The following RALYL variants were observed in gnomAD, a reference collection of about 807,000 sequenced individuals.
RALYL encodes the protein RALY RNA binding protein like.
RALYL carries 29 observed loss-of-function variants against 35.1 expected under a neutral mutation model. The observed-to-expected ratio is 0.83, with a 90% CI of 0.61 to 1.13. The LOEUF (loss-of-function observed/expected upper bound fraction) is 1.13, where lower values mean the gene tolerates loss of function less well. Ranked by LOEUF, RALYL falls within the 50% of genes most tolerant of loss-of-function variation. The pLI, the probability that RALYL is intolerant of heterozygous loss-of-function variation, is 0.00. For synonymous variants in RALYL, 120 were observed against 127.6 expected (o/e 0.94, Z 0.40); for missense variants, 359 against 360.4 (o/e 1.00, Z 0.03).
At chr8:84,573,339 G>A (rs568047579) in intron 2 of RALYL, among the ~76,000 whole-genome samples, 70 of 151,690 alleles carry the variant, frequency 4.6e-4, no homozygotes, top group African/African-American at 1.5e-3. Flanking sequence ...TAGAACTTTA[G>A]TATTATAGTT....
rs115987029 is a variant in RALYL, at chr8:84,408,760, G to A, written c.-23-120539G>A. Among the ~76,000 whole-genome samples, 628 of 152,086 alleles carry A rather than the reference G, an allele frequency of 4.1e-3. 6 individuals are homozygous for A. The highest frequency in any genetic ancestry group is 0.014 in the African/African-American group (592 of 41,496). On this transcript the variant is annotated intron_variant, in intron 1 of 8. Transcript: ENST00000521268. ...AAGAATAAGAATGCCATGGAGGCAG[G>A]GTTATCAGATAAAATGTAGAACAAC... is the stretch of plus-strand genomic sequence containing the variant.
rs2051947748 is a variant in RALYL at position 84,467,799 on chromosome 8, A to C, written c.-23-61500A>C. 4.2e-5 allele frequency among the ~76,000 whole-genome samples: 6 copies of C among 143,460 alleles called. No individual in the cohort carries two copies. In the South Asian group the frequency reaches 1.4e-3, roughly 34 times the overall value. 94.1% of individuals were successfully genotyped at this position (143,460 alleles called of 152,430 possible). On this transcript the variant is annotated intron_variant, in intron 1 of 8. Coordinates refer to ENST00000521268, the MANE Select transcript of RALYL (RefSeq NM_173848.7). Reference sequence around the variant, plus strand: ...GTCTAAGTCTCTTTGTAGGTCACTCAGGACTTGCTTTATGAATCTGGGTGC... The same window carrying C: ...GTCTAAGTCTCTTTGTAGGTCACTCCGGACTTGCTTTATGAATCTGGGTGC...
chr8:84,352,515 A>G (rs1851096643), intron 1 of RALYL, among the ~76,000 whole-genome samples: 1 of 150,354 alleles, frequency 6.7e-6, no homozygotes, highest in Non-Finnish European at 1.5e-5. Context: ...TTTACAAATG[A>G]GGAAACTGAA....
intron 1 of RALYL, among the ~76,000 whole-genome samples, chr8:84,283,053 A>G (rs1836914962): frequency 6.6e-6 from 1 of 152,074 alleles, no homozygotes; most frequent in African/African-American, 2.4e-5. Context: ...CATTCCAGCT[A>G]GCTCCTTTTT....
At chr8:84,245,608 G>A (rs751283172) in intron 1 of RALYL, among the ~76,000 whole-genome samples, 8 of 152,146 alleles carry the variant, frequency 5.3e-5, no homozygotes, top group Non-Finnish European at 1.2e-4. Flanking sequence ...AGCTGTTTAA[G>A]CGTATGCATA....
At chr8:84,509,326 A>C (rs2057418624) in intron 1 of RALYL, among the ~76,000 whole-genome samples, 1 of 152,162 alleles carries the variant, frequency 6.6e-6, no homozygotes, top group African/African-American at 2.4e-5. Flanking sequence ...ATATCCCTTG[A>C]TTAAATGCAT....
At chr8:84,547,332 C>A (rs2060428431) in intron 2 of RALYL, among the ~76,000 whole-genome samples, 1 of 151,762 alleles carries the variant, frequency 6.6e-6, no homozygotes, top group South Asian at 2.1e-4. Context: ...TTTAGTAATT[C>A]TTTTATCCAA....
chr8:84,337,374 A>G (rs925572910), intron 1 of RALYL, among the ~76,000 whole-genome samples: 2 of 151,376 alleles, frequency 1.3e-5, no homozygotes, highest in Admixed American at 1.3e-4. Context: ...TTTAATAGAG[A>G]TACTGAATGG....
intron 2 of RALYL, among the ~76,000 whole-genome samples, chr8:84,634,880 T>C (rs949784871): frequency 9.9e-5 from 15 of 151,764 alleles, no homozygotes; most frequent in African/African-American, 3.1e-4. Context: ...ACTGCTATGT[T>C]CCTTTAGGTT....
At chr8:84,253,190 T>TG (rs1290723594) in intron 1 of RALYL, among the ~76,000 whole-genome samples, 1 of 126,114 alleles carries the variant, frequency 7.9e-6, no homozygotes, top group Non-Finnish European at 1.7e-5. Context: ...TTTTTTTTTT[T>TG]TTTTTTTTTT....
intron 1 of RALYL, among the ~76,000 whole-genome samples, chr8:84,277,707 G>A (rs975890419): frequency 9.9e-5 from 15 of 152,244 alleles, no homozygotes; most frequent in African/African-American, 2.9e-4. Flanking sequence ...CACAACACAG[G>A]GATTACAGGC....
intron 2 of RALYL, among the ~76,000 whole-genome samples, chr8:84,543,785 C>G (rs2060176513): frequency 6.6e-6 from 1 of 152,090 alleles, no homozygotes; most frequent in South Asian, 2.1e-4. Context: ...TTTCCTGCCC[C>G]ATGTTGGGAA....
At chr8:84,838,422 C>G (rs1832478415) in intron 4 of RALYL, among the ~76,000 whole-genome samples, 1 of 152,116 alleles carries the variant, frequency 6.6e-6, no homozygotes, top group South Asian at 2.1e-4. Context: ...CTCTTTGAAT[C>G]TCTTTCTCTT....
intron 1 of RALYL, among the ~76,000 whole-genome samples, chr8:84,283,566 A>G (rs1205048104): frequency 6.6e-6 from 1 of 152,152 alleles, no homozygotes; most frequent in Non-Finnish European, 1.5e-5. Context: ...ATGATGCTGT[A>G]ATTAAGTAAA....
At chr8:84,256,546 C>T (rs1831241649) in intron 1 of RALYL, among the ~76,000 whole-genome samples, 1 of 152,038 alleles carries the variant, frequency 6.6e-6, no homozygotes, top group Non-Finnish European at 1.5e-5. Context: ...CTTATCTTGG[C>T]TGTATCCTTA....
chr8:84,333,760 T>C (rs888285198), intron 1 of RALYL, among the ~76,000 whole-genome samples: 4 of 152,182 alleles, frequency 2.6e-5, no homozygotes, highest in African/African-American at 9.7e-5. Context: ...GAAAAGTCAA[T>C]TGTTGCATAT....
intron 1 of RALYL, among the ~76,000 whole-genome samples, chr8:84,272,147 C>T (rs1834426696): frequency 6.6e-6 from 1 of 151,964 alleles, no homozygotes; most frequent in South Asian, 2.1e-4. Context: ...GGCTGTAGTG[C>T]AATGGCTTGA....
chr8:84,541,614 T>A (rs900461568), intron 2 of RALYL, among the ~76,000 whole-genome samples: 2 of 152,156 alleles, frequency 1.3e-5, no homozygotes, highest in East Asian at 3.9e-4. Flanking sequence ...ACTCTGACCT[T>A]CCGCATCGTT....
rs928438617 is a variant in RALYL, at chr8:84,906,704, T to G, written c.859-14190T>G. 2.7e-5 allele frequency among the ~76,000 whole-genome samples: 4 copies of G among 150,568 alleles called. No individual in the cohort carries two copies. The South Asian group carries it at 8.4e-4, about 32-fold the overall frequency. On this transcript the variant is annotated intron_variant, in intron 8 of 8. Coordinates refer to ENST00000521268, the MANE Select transcript of RALYL (RefSeq NM_173848.7). ...GTTAATTGATTAAAAAAAAAAAAAG[T>G]ACATTTTCATGGACTGGCACAAAGA...
Sources: gnomAD v4.1 joint callset for allele counts (sites outside exome capture counted in the v4.1 genomes callset) on GRCh38, gnomAD v4.1.1 for gene constraint, MANE v1.5 for transcripts, NCBI Gene and HGNC (gene_info 2026-07-23, HGNC 2026-07-21) for gene names.